FGF14: variants seen among roughly 807,000 people sequenced by gnomAD.
The protein encoded by FGF14 is fibroblast growth factor 14.
Under a neutral mutation model 25.5 loss-of-function variants are expected in FGF14, and 5 were observed. The observed-to-expected ratio is 0.20, with a 90% CI of 0.10 to 0.41. The LOEUF is 0.41. Ranked by LOEUF, FGF14 falls within the 10% of genes least tolerant of loss-of-function variation. The pLI is 1.00. For synonymous variants in FGF14, 138 were observed against 118.3 expected, an observed-to-expected ratio of 1.17 and a Z score of -1.08; for missense variants, 222 against 320.1, an observed-to-expected ratio of 0.69 and a Z score of 2.34.
chr13:102,198,434 T>G (rs2049466668), intron 1 of FGF14, among the ~76,000 whole-genome samples: 2 of 152,190 alleles, frequency 1.3e-5, no homozygotes, highest in South Asian at 4.1e-4. Context: ...GAGTGAAGAT[T>G]TCAGGCAGGT....
intron 1 of FGF14, among the ~76,000 whole-genome samples, chr13:102,311,658 G>A: frequency 6.6e-6 from 1 of 152,232 alleles, no homozygotes; most frequent in East Asian, 1.9e-4. Flanking sequence ...AAAGCAAAGG[G>A]CTTAAAAAGA....
chr13:101,866,107 T>C (rs1169943075), intron 3 of FGF14, among the ~76,000 whole-genome samples: 5 of 152,022 alleles, frequency 3.3e-5, no homozygotes, highest in Non-Finnish European at 7.4e-5. Context: ...CATAATATAA[T>C]ATCAAACTTT....
At chr13:101,851,752 T>C (rs993369666) in intron 3 of FGF14, among the ~76,000 whole-genome samples, 2 of 152,114 alleles carry the variant, frequency 1.3e-5, no homozygotes, top group Admixed American at 1.3e-4. Context: ...TACTTTAATC[T>C]TTTAACTCAT....
intron 1 of FGF14, among the ~76,000 whole-genome samples, chr13:102,377,698 C>T (rs1055977067): frequency 2.6e-5 from 4 of 152,142 alleles, no homozygotes; most frequent in Non-Finnish European, 5.9e-5. Context: ...ATCCCAGCTA[C>T]TCAGGAGGCT....
chr13:102,156,265 A>C (rs914107298), intron 1 of FGF14, among the ~76,000 whole-genome samples: 2 of 152,204 alleles, frequency 1.3e-5, no homozygotes, highest in African/African-American at 4.8e-5. Context: ...TCCTCAATAA[A>C]ATACTGGCAA....
At chr13:101,973,284 T>G (rs554414892) in intron 1 of FGF14, among the ~76,000 whole-genome samples, 2 of 152,264 alleles carry the variant, frequency 1.3e-5, no homozygotes, top group Non-Finnish European at 2.9e-5. Context: ...GCTAATACCT[T>G]TAAATAAAAT....
chr13:102,294,790 C>T (rs1418288732), intron 1 of FGF14, among the ~76,000 whole-genome samples: 2 of 152,150 alleles, frequency 1.3e-5, no homozygotes, highest in Non-Finnish European at 2.9e-5. Flanking sequence ...CAAGTTCTGG[C>T]TCCCTCAGAA....
chr13:101,784,743 T>C (rs1325934468), intron 3 of FGF14, among the ~76,000 whole-genome samples: 1 of 152,216 alleles, frequency 6.6e-6, no homozygotes, highest in Non-Finnish European at 1.5e-5. Context: ...AGGGTCAGCA[T>C]GTGTTTATGA....
At chr13:101,753,170 T>C (rs1404580801) in intron 3 of FGF14, among the ~76,000 whole-genome samples, 2 of 152,090 alleles carry the variant, frequency 1.3e-5, no homozygotes, top group Non-Finnish European at 2.9e-5. Flanking sequence ...ACATTTTAAA[T>C]ATATAAGTGA....
At chr13:101,791,480 T>C (rs971781878) in intron 3 of FGF14, among the ~76,000 whole-genome samples, 3 of 152,142 alleles carry the variant, frequency 2.0e-5, no homozygotes, top group African/African-American at 7.2e-5. Context: ...ATTTGACAAA[T>C]GTTTCAAGTG....
intron 1 of FGF14, among the ~76,000 whole-genome samples, chr13:102,387,874 C>T (rs987341377): frequency 2.6e-5 from 4 of 152,076 alleles, no homozygotes; most frequent in African/African-American, 4.8e-5. Context: ...GGACTACAGG[C>T]GCATACTACC....
At chr13:102,342,588 T>C (rs2056984735) in intron 1 of FGF14, among the ~76,000 whole-genome samples, 1 of 152,180 alleles carries the variant, frequency 6.6e-6, no homozygotes, top group Non-Finnish European at 1.5e-5. Flanking sequence ...TACTAATATA[T>C]GACTTTATAT....
chr13:101,821,608 T>C (rs1432197338), intron 3 of FGF14, among the ~76,000 whole-genome samples: 1 of 152,206 alleles, frequency 6.6e-6, no homozygotes, highest in East Asian at 1.9e-4. Context: ...CGTTAGTAGA[T>C]TTTGCCAAAA....
At chr13:101,837,172 GTGTGTGTGTGTATGTGTGTT>G (rs2042966107) in intron 3 of FGF14, among the ~76,000 whole-genome samples, 1 of 151,894 alleles carries the variant, frequency 6.6e-6, no homozygotes, top group African/African-American at 2.4e-5. Flanking sequence ...TACTATATGT[GTGTGTGTGTGTATGTGTGTT>G]TGTGTGTGTG....
At position 102,400,525 on chromosome 13, in the gene FGF14, C is replaced by G. The variant is rs549551468; in HGVS notation, c.208+946G>C. 6.6e-6 allele frequency among the ~76,000 whole-genome samples: 1 copy of G among 152,326 alleles called. No individual in the cohort carries two copies. Among genetic ancestry groups the G allele is most frequent in the East Asian group, 1.9e-4 (1 of 5,178 alleles). On this transcript the variant is annotated intron_variant, in intron 1 of 4. Transcript: ENST00000376131. The surrounding 1 kb of genome is among the most constrained non-coding windows in gnomAD (Gnocchi z 4.3). ...TCCAGCCTGCCTCCCCTGGGTTGCT[C>G]GCCCACAGCTCCGCGGCCGCCCCCA...
chr13:102,227,818 G>A (rs1201923077), intron 1 of FGF14, among the ~76,000 whole-genome samples: 3 of 152,066 alleles, frequency 2.0e-5, no homozygotes, highest in Admixed American at 6.6e-5. Flanking sequence ...CATTGTGTTC[G>A]CAGAATAACA....
rs2035042876 is a variant in FGF14 at position 101,722,211 on chromosome 13, TC to T, written c.*619del. 1 of 169,402 alleles carries T rather than the reference TC, an allele frequency of 5.9e-6. No homozygotes were observed. The highest frequency in any genetic ancestry group is 1.7e-4 in the East Asian group (1 of 6,036). The allele number at this position is 169,402 out of a possible 1,614,324, so 10.5% of individuals were successfully genotyped here. A position where few individuals can be genotyped will look rare whatever the true frequency, so the allele number is the denominator to read the frequency against. Reference sequence around the variant, plus strand: ...AGCCAGAGACAACAATCTTTCTTAATCTTTCTTTATAGATGCAATTTGTAAT... The same window carrying T: ...AGCCAGAGACAACAATCTTTCTTAATTTTCTTTATAGATGCAATTTGTAAT... On this transcript the variant is annotated 3_prime_UTR_variant, in exon 5 of 5. Transcript: ENST00000376143.
Position 101,718,565 on chromosome 13 carries a change from AATC to A in FGF14, c.*4263_*4265del, listed in dbSNP as rs55804369. On this transcript the variant is annotated 3_prime_UTR_variant, in exon 5 of 5. Transcript: ENST00000376143. The stretch of plus-strand genomic sequence containing the variant: ...TGGCACTAACGCTGCTTGTTTGGCA[AATC>A]ATCATCACTGAGGTATTCCACCCAG... 0.31 allele frequency: 47,223 copies of A among 151,554 alleles called. 7,579 individuals carry two copies. The highest frequency in any genetic ancestry group is 0.42 in the Admixed American group (6,375 of 15,188). The allele number at this position is 151,554 out of a possible 1,614,324, so 9.4% of individuals were successfully genotyped here.
At position 102,400,908 on chromosome 13, in the gene FGF14, T is replaced by C. The variant is rs1252098375; in HGVS notation, c.208+563A>G. ...TCAGAGGCAGACAGGGGGAATGAGT[T>C]AATGCTCGGGCACCCGGAGCTGGAC... On this transcript the variant is annotated intron_variant, in intron 1 of 4. Coordinates refer to the FGF14 transcript ENST00000376131. This position sits in a 1 kb window ranked among gnomAD's most constrained non-coding sequence, Gnocchi z 4.3. Among the ~76,000 whole-genome samples, 2 of 151,610 alleles carry C rather than the reference T, an allele frequency of 1.3e-5. No individual in the cohort carries two copies. The highest frequency in any genetic ancestry group is 4.9e-5 in the African/African-American group (2 of 41,224).
Sources: gnomAD v4.1 joint callset for allele counts (sites outside exome capture counted in the v4.1 genomes callset) on GRCh38, gnomAD v4.1.1 for gene constraint, Gnocchi (gnomAD v3.1) non-coding constraint, MANE v1.5 for transcripts, NCBI Gene and HGNC (gene_info 2026-07-23, HGNC 2026-07-21) for gene names.